The following MYLK variants were observed in gnomAD, a reference collection of about 807,000 sequenced individuals.
MYLK encodes myosin light chain kinase.
A neutral mutation model predicts 203.4 loss-of-function variants in MYLK; 106 were observed. The ratio of observed to expected loss-of-function variants is 0.52; its 90% CI spans 0.45 to 0.61. The LOEUF is 0.61. MYLK is among the 20% of genes least tolerant of loss of function. MYLK has a pLI of 0.00. For synonymous variants in MYLK, 867 were observed against 959.5 expected, an observed-to-expected ratio of 0.90 and a Z score of 1.78; for missense variants, 2,072 against 2,442.3, an observed-to-expected ratio of 0.85 and a Z score of 3.20.
rs2058228786 is a variant in MYLK, at chr3:123,627,895, C to T, written c.5115-954G>A. ...TGAGCACAGAGGGATCCAGTACAGC[C>T]TGTTACTGACTTAATTCAAGGTCAG... On this transcript the variant is annotated intron_variant, in intron 30 of 33. Coordinates refer to ENST00000360304, the MANE Select transcript of MYLK (RefSeq NM_053025.4). Among the ~76,000 whole-genome samples the T allele has an allele frequency of 1.3e-5, 2 of 152,244 alleles. 1 individual carries two copies. Among genetic ancestry groups the T allele is most frequent in the African/African-American group, 4.8e-5 (2 of 41,528 alleles).
intron 3 of MYLK, among the ~76,000 whole-genome samples, chr3:123,802,734 A>G (rs2065237449): frequency 6.6e-6 from 1 of 152,192 alleles, no homozygotes; most frequent in African/African-American, 2.4e-5. Flanking sequence ...TGATGGGAAC[A>G]GGCTGAGAGA....
intron 16 of MYLK, among the ~76,000 whole-genome samples, chr3:123,704,757 A>G (rs1293986209): frequency 6.7e-6 from 1 of 150,074 alleles, no homozygotes; most frequent in Non-Finnish European, 1.5e-5. Context: ...CAAAAAAAAA[A>G]AAAAAAAAAA....
chr3:123,784,834 C>T (rs759357919), intron 4 of MYLK, among the ~76,000 whole-genome samples: 7 of 152,146 alleles, frequency 4.6e-5, no homozygotes, highest in Admixed American at 2.0e-4. Flanking sequence ...AATGAGGGGG[C>T]GGACTGCAAG....
chr3:123,855,964 A>G (rs2031334086), intron 2 of MYLK, among the ~76,000 whole-genome samples: 1 of 152,188 alleles, frequency 6.6e-6, no homozygotes, highest in Non-Finnish European at 1.5e-5. Context: ...TTCGAGTGTA[A>G]ACATTTCAGG....
chr3:123,667,910 C>T (rs986416534), intron 20 of MYLK, among the ~76,000 whole-genome samples: 1 of 150,004 alleles, frequency 6.7e-6, no homozygotes, highest in South Asian at 2.1e-4. Flanking sequence ...ATCCAAGGGT[C>T]GCAAGCTTCC....
At chr3:123,799,113 A>G (rs934056863) in intron 3 of MYLK, among the ~76,000 whole-genome samples, 9 of 152,160 alleles carry the variant, frequency 5.9e-5, no homozygotes, top group East Asian at 5.8e-4. Flanking sequence ...GAGAAGTAAG[A>G]AGAAAAAACA....
At chr3:123,762,678 T>C (rs116008272) in intron 4 of MYLK, among the ~76,000 whole-genome samples, 11 of 152,320 alleles carry the variant, frequency 7.2e-5, no homozygotes, top group African/African-American at 2.4e-4. Context: ...AGAGCCTTCA[T>C]GAAGGGGTTA....
intron 3 of MYLK, among the ~76,000 whole-genome samples, chr3:123,799,174 ACC>A (rs1018415814): frequency 2.8e-5 from 4 of 142,758 alleles, no homozygotes; most frequent in African/African-American, 1.1e-4. Flanking sequence ...ACTCCCCCTT[ACC>A]CCCCTTACCC....
At chr3:123,616,035 T>C (rs959733439) in intron 33 of MYLK, among the ~76,000 whole-genome samples, 14 of 152,350 alleles carry the variant, frequency 9.2e-5, no homozygotes, top group African/African-American at 2.9e-4. Flanking sequence ...AGGGATCTTT[T>C]TGGAGTGATG....
chr3:123,701,113 C>T (rs1560097883), intron 17 of MYLK, 108 bp from the exon 18 acceptor site: 7 of 660,720 alleles, frequency 1.1e-5, no homozygotes, highest in Non-Finnish European at 1.7e-5. Flanking sequence ...TAGAGGGGAG[C>T]GGGAGGGGAT....
At chr3:123,636,611 G>A (rs548384419) in intron 29 of MYLK, among the ~76,000 whole-genome samples, 10 of 152,326 alleles carry the variant, frequency 6.6e-5, no homozygotes, top group South Asian at 6.2e-4. Flanking sequence ...GCCTGGGGCC[G>A]CCCTGAAAGG....
chr3:123,613,797 T>C lies in MYLK; in HGVS notation c.*308A>G. On this transcript the variant is annotated 3_prime_UTR_variant, in exon 34 of 34. Transcript: ENST00000360304. ...CATTCAAGTGGAGAATTTATGACTT[T>C]GCCCAGATAAATATTTGGTTTGGTT... The C allele has an allele frequency of 2.6e-6, 1 of 381,082 alleles. No homozygotes were observed. Among genetic ancestry groups the C allele is most frequent in the Non-Finnish European group, 4.9e-6 (1 of 203,392 alleles). The allele number at this position is 381,082 out of a possible 1,614,324, so 23.6% of individuals were successfully genotyped here. A position where few individuals can be genotyped will look rare whatever the true frequency, so the allele number is the denominator to read the frequency against.
chr3:123,767,468 A>G (rs1030548322), intron 4 of MYLK, among the ~76,000 whole-genome samples: 4 of 152,314 alleles, frequency 2.6e-5, no homozygotes, highest in African/African-American at 9.6e-5. Flanking sequence ...TTAGCCAAGC[A>G]TGGTGGCTTG....
At chr3:123,811,148 C>A (rs1015926426) in intron 3 of MYLK, among the ~76,000 whole-genome samples, 1 of 152,172 alleles carries the variant, frequency 6.6e-6, no homozygotes, top group Non-Finnish European at 1.5e-5. Flanking sequence ...AACTTCTGCT[C>A]GGAGGTGTCA....
At chr3:123,856,916 C>A (rs1472042404) in intron 2 of MYLK, among the ~76,000 whole-genome samples, 1 of 151,950 alleles carries the variant, frequency 6.6e-6, no homozygotes, top group African/African-American at 2.4e-5. Context: ...GGGCTAATAT[C>A]CAGAATCTAC....
rs552122176 is a variant in MYLK at position 123,641,454 on chromosome 3, G to A, written c.4620-950C>T. Among the ~76,000 whole-genome samples the A allele has an allele frequency of 9.7e-4, 144 of 148,826 alleles. 1 individual carries two copies. Among genetic ancestry groups the A allele is most frequent in the African/African-American group, 3.3e-4 (13 of 39,660 alleles). ...TTTCTTCTTCAATTTTTTTTTTTTG[G>A]TAGAGACAAGGAGTTCAAAGTTATG... On this transcript the variant is annotated intron_variant, in intron 27 of 33. Coordinates refer to ENST00000360304, the MANE Select transcript of MYLK (RefSeq NM_053025.4).
chr3:123,682,535 C>T (rs1007320009), intron 19 of MYLK, among the ~76,000 whole-genome samples: 1 of 152,212 alleles, frequency 6.6e-6, no homozygotes. Context: ...CCAGTGGGGA[C>T]AGCACCGTCA....
At chr3:123,694,275 C>T (rs959362290) in intron 18 of MYLK, among the ~76,000 whole-genome samples, 11 of 152,330 alleles carry the variant, frequency 7.2e-5, no homozygotes, top group Non-Finnish European at 1.0e-4. Flanking sequence ...CCCCAAACCT[C>T]GGGAAGGCTT....
Position 123,732,891 on chromosome 3 carries a change from C to T in MYLK, c.1516+5G>A, listed in dbSNP as rs147245669. 1 of 1,612,822 alleles carries T rather than the reference C, an allele frequency of 6.2e-7. No homozygotes were observed. Among genetic ancestry groups the T allele is most frequent in the Non-Finnish European group, 8.5e-7 (1 of 1,179,018 alleles). Reference sequence around the variant, plus strand: ...ATGCGGGGTGACCTGGAGAAGTGTACTCACTTTCCACTTGGAGGGTCCAGC... The same window carrying T: ...ATGCGGGGTGACCTGGAGAAGTGTATTCACTTTCCACTTGGAGGGTCCAGC... On this transcript the variant is annotated splice_donor_5th_base_variant and intron_variant, in intron 11 of 33. Transcript: ENST00000360304.
Sources: gnomAD v4.1 joint callset for allele counts (sites outside exome capture counted in the v4.1 genomes callset) on GRCh38, gnomAD v4.1.1 for gene constraint, MANE v1.5 for transcripts, NCBI Gene and HGNC (gene_info 2026-07-23, HGNC 2026-07-21) for gene names.